The following DGKB variants were observed in gnomAD, a reference collection of about 807,000 sequenced individuals.
The protein encoded by DGKB is 90 kDa diacylglycerol kinase.
In DGKB, 67 loss-of-function variants were observed where a neutral mutation model predicts 114.3. That is an observed-to-expected ratio of 0.59 (90% CI 0.48 to 0.72). DGKB has a LOEUF of 0.72. Among genes scored for constraint, DGKB ranks in the 30% least tolerant of loss-of-function variants. The pLI is 0.00. For missense variants in DGKB, 907 were observed against 975.2 expected, an observed-to-expected ratio of 0.93 and a Z score of 0.93; for synonymous variants, 398 against 323.1, an observed-to-expected ratio of 1.23 and a Z score of -2.49.
intron 1 of DGKB, among the ~76,000 whole-genome samples, chr7:14,916,011 G>C (rs1784221511): frequency 6.6e-6 from 1 of 152,014 alleles, no homozygotes; most frequent in African/African-American, 2.4e-5. Flanking sequence ...AGTGCTTATA[G>C]TTTATGGATA....
At chr7:14,827,228 C>G (rs2128114108) in intron 2 of DGKB, among the ~76,000 whole-genome samples, 1 of 152,210 alleles carries the variant, frequency 6.6e-6, no homozygotes, top group African/African-American at 2.4e-5. Context: ...TGTACAGGGA[C>G]TACCTTTAAA....
intron 23 of DGKB, among the ~76,000 whole-genome samples, chr7:14,200,199 G>T (rs1315873753): frequency 6.6e-6 from 1 of 151,950 alleles, no homozygotes; most frequent in Non-Finnish European, 1.5e-5. Context: ...CCAGTCCTCT[G>T]CTAAATGTTA....
intron 23 of DGKB, among the ~76,000 whole-genome samples, chr7:14,221,420 C>G (rs767540598): frequency 2.0e-4 from 31 of 151,236 alleles, no homozygotes; most frequent in South Asian, 8.3e-4. Context: ...TCTGTGTGTA[C>G]TGAGTTGATC....
chr7:14,370,479 G>A (rs759349723), intron 21 of DGKB, among the ~76,000 whole-genome samples: 5 of 152,274 alleles, frequency 3.3e-5, no homozygotes, highest in Middle Eastern at 6.8e-3. Context: ...GCGGTAGCTT[G>A]ATGGAGATAA....
intron 7 of DGKB, among the ~76,000 whole-genome samples, chr7:14,699,516 T>C (rs904465071): frequency 1.3e-5 from 2 of 152,342 alleles, no homozygotes; most frequent in Admixed American, 6.5e-5. Context: ...CATGTTATTA[T>C]ACAAAAGGCA....
At chr7:14,163,137 AAAGATGACACCTT>A (rs1784144846) in intron 25 of DGKB, among the ~76,000 whole-genome samples, 1 of 152,212 alleles carries the variant, frequency 6.6e-6, no homozygotes, top group Non-Finnish European at 1.5e-5. Flanking sequence ...AGAGACACCT[AAAGATGACACCTT>A]GGAATATTTT....
chr7:14,886,425 A>T (rs914843884), intron 1 of DGKB, among the ~76,000 whole-genome samples: 1 of 151,842 alleles, frequency 6.6e-6, no homozygotes, highest in Non-Finnish European at 1.5e-5. Context: ...TTTAAACTGA[A>T]TTCATGAGAC....
At chr7:14,183,295 T>C (rs1211020602) in intron 23 of DGKB, among the ~76,000 whole-genome samples, 2 of 152,242 alleles carry the variant, frequency 1.3e-5, no homozygotes, top group Non-Finnish European at 2.9e-5. Flanking sequence ...TAATTGATTC[T>C]TAATTTAGAT....
intron 23 of DGKB, among the ~76,000 whole-genome samples, chr7:14,293,328 G>A (rs935401255): frequency 6.6e-6 from 1 of 152,112 alleles, no homozygotes; most frequent in Non-Finnish European, 1.5e-5. Flanking sequence ...GCTTCTATTT[G>A]TACCTGCCTA....
intron 1 of DGKB, among the ~76,000 whole-genome samples, chr7:14,871,532 A>G (rs1253355938): frequency 6.6e-6 from 1 of 152,182 alleles, no homozygotes; most frequent in Non-Finnish European, 1.5e-5. Flanking sequence ...TTACTTATGA[A>G]GCTGTTGCTG....
chr7:14,760,102 C>T (rs973221533), intron 2 of DGKB, among the ~76,000 whole-genome samples: 1 of 152,016 alleles, frequency 6.6e-6, no homozygotes, highest in Non-Finnish European at 1.5e-5. Flanking sequence ...TTTAATTGGA[C>T]GGTTTGTCTT....
At chr7:14,456,974 T>C (rs1444114648) in intron 21 of DGKB, among the ~76,000 whole-genome samples, 1 of 150,650 alleles carries the variant, frequency 6.6e-6, no homozygotes, top group African/African-American at 2.5e-5. Context: ...ACATTAAAAT[T>C]AACTTCCCAC....
At chr7:14,860,261 G>C (rs1370558818) in intron 1 of DGKB, among the ~76,000 whole-genome samples, 1 of 151,916 alleles carries the variant, frequency 6.6e-6, no homozygotes, top group Non-Finnish European at 1.5e-5. Flanking sequence ...AAATATTTTA[G>C]ATTTCAAATC....
chr7:14,555,262 C>A (rs1194263667), intron 20 of DGKB, among the ~76,000 whole-genome samples: 2 of 152,122 alleles, frequency 1.3e-5, no homozygotes, highest in Non-Finnish European at 2.9e-5. Flanking sequence ...ATTAAATATT[C>A]TGTATCTCTG....
chr7:14,665,675 G>T (rs1386692204), intron 13 of DGKB, among the ~76,000 whole-genome samples: 3 of 151,986 alleles, frequency 2.0e-5, no homozygotes, highest in Non-Finnish European at 4.4e-5. Flanking sequence ...ATTTTCTCAT[G>T]AGATATCTCA....
At chr7:14,710,955 G>A (rs13226141) in intron 6 of DGKB, among the ~76,000 whole-genome samples, 147,448 of 152,022 alleles carry the variant, frequency 0.97, 71,611 homozygotes, top group East Asian at 1. Context: ...TATATGAATG[G>A]CTTGTACTTT....
intron 16 of DGKB, among the ~76,000 whole-genome samples, chr7:14,611,095 A>G (rs1240246523): frequency 6.6e-6 from 1 of 151,832 alleles, no homozygotes; most frequent in Non-Finnish European, 1.5e-5. Context: ...TCCTTCTTTC[A>G]TTGGGCAAAC....
chr7:14,306,306 G>C (rs1804460740), intron 23 of DGKB, among the ~76,000 whole-genome samples: 1 of 151,996 alleles, frequency 6.6e-6, no homozygotes, highest in Non-Finnish European at 1.5e-5. Context: ...AAGAAAGTAA[G>C]AAAGGAACAA....
intron 22 of DGKB, among the ~76,000 whole-genome samples, chr7:14,344,954 C>T (rs1458652779): frequency 2.6e-5 from 4 of 151,502 alleles, no homozygotes; most frequent in African/African-American, 7.3e-5. Flanking sequence ...TATTGAGACC[C>T]GAAAATAATA....
Sources: gnomAD v4.1 joint callset for allele counts (sites outside exome capture counted in the v4.1 genomes callset) on GRCh38, gnomAD v4.1.1 for gene constraint, MANE v1.5 for transcripts, NCBI Gene and HGNC (gene_info 2026-07-23, HGNC 2026-07-21) for gene names.